MIOX: variants seen among roughly 807,000 people sequenced by gnomAD.
MIOX encodes inositol oxygenase.
In MIOX, 51 loss-of-function variants were observed where a neutral mutation model predicts 42.7. The ratio of observed to expected loss-of-function variants is 1.19; its 90% CI spans 0.95 to 1.51. MIOX has a LOEUF of 1.51. Ranked by LOEUF, MIOX falls within the 40% of genes most tolerant of loss-of-function variation. The probability of loss-of-function intolerance (pLI) is 0.00; values close to 1 mark genes in which losing one functional copy is unlikely to be tolerated. For missense variants in MIOX, 395 were observed against 381.3 expected (o/e 1.04, Z -0.30); for synonymous variants, 168 against 154.4 (o/e 1.09, Z -0.65).
intron 1 of MIOX, 129 bp from the exon 2 acceptor site, chr22:50,487,256 G>C: frequency 1.3e-6 from 1 of 773,804 alleles, no homozygotes; most frequent in South Asian, 1.7e-5. Flanking sequence ...GAGAGGCTGT[G>C]TCCTCGCGTG....
At position 50,490,015 on chromosome 22, in the gene MIOX, C is replaced by T. The variant is rs1064043; in HGVS notation, c.*159C>T. On this transcript the variant is annotated 3_prime_UTR_variant, in exon 10 of 10. Transcript: ENST00000216075. Reference sequence around the variant, plus strand: ...ACCCCTCACGGCAACTTGTGCCTGGCGTCAATAAAGACCTGGAAGGATGTT... The same window carrying T: ...ACCCCTCACGGCAACTTGTGCCTGGTGTCAATAAAGACCTGGAAGGATGTT... 1.4e-5 allele frequency: 9 copies of T among 637,632 alleles called. No individual in the cohort carries two copies. Among genetic ancestry groups the T allele is most frequent in the South Asian group, 9.0e-5 (5 of 55,252 alleles). The allele number at this position is 637,632 out of a possible 1,614,324, so 39.5% of individuals were successfully genotyped here. A position where few individuals can be genotyped will look rare whatever the true frequency, so the allele number is the denominator to read the frequency against.
chr22:50,489,330 GCGGTGGGGGA>G (rs977899381), intron 7 of MIOX, 35 bp downstream of exon 7: 16 of 1,485,296 alleles, frequency 1.1e-5, no homozygotes, highest in Admixed American at 1.0e-4. Flanking sequence ...GCGGTGGGGG[GCGGTGGGGGA>G]CGGTGGGGGG....
rs774503316 is a variant in MIOX, at chr22:50,488,283, C to T, written c.349C>T (p.His117Tyr). 3.7e-5 allele frequency: 59 copies of T among 1,613,158 alleles called. No individual in the cohort carries two copies. The highest frequency in any genetic ancestry group is 4.6e-5 in the Non-Finnish European group (54 of 1,179,638). ...RKAHPDKDWF[H>Y]LVGLLHDLGK... ...GTCCATCCCCCTCCCAGACTGGTTC[C>T]ACCTCGTCGGGCTCCTGCACGACCT... The change falls in exon 5 of 10, where the codon CAC (histidine) becomes TAC (tyrosine). Residue 117 changes from histidine (H) to tyrosine (Y), a missense_variant. Coordinates refer to ENST00000216075, the MANE Select transcript of MIOX (RefSeq NM_017584.6).
rs149960733 is a variant in MIOX, at chr22:50,489,441, C to A, written c.631C>A (p.Pro211Thr). 80 of 1,607,024 alleles carry A rather than the reference C, an allele frequency of 5.0e-5. No homozygotes were observed. The highest frequency in any genetic ancestry group is 4.1e-5 in the Non-Finnish European group (48 of 1,177,436). Residue 211 changes from proline (P) to threonine (T), a missense_variant, in exon 8 of 10, where the codon CCT becomes ACT. Coordinates refer to ENST00000216075, the MANE Select transcript of MIOX (RefSeq NM_017584.6). Reference sequence around the variant, plus strand: ...GAAGTTTAACAAGTTCTCACTGCCCCCTGAGGTAGGTGGGGGGAGGGGCAA... The same window carrying A: ...GAAGTTTAACAAGTTCTCACTGCCCACTGAGGTAGGTGGGGGGAGGGGCAA... ...VMKFNKFSLP[P>T]EAFYMIRFHS...
At chr22:50,488,545 GC>G (rs61657525) in intron 5 of MIOX, among the ~76,000 whole-genome samples, 615 of 32,668 alleles carry the variant, frequency 0.019, 18 homozygotes, top group East Asian at 0.033. Context: ...ACCCCCCACG[GC>G]CCCCCCCACG....
At chr22:50,488,441 G>T in intron 5 of MIOX, 99 bp downstream of exon 5, 1 of 1,020,268 alleles carries the variant, frequency 9.8e-7, no homozygotes, top group South Asian at 1.6e-5. Context: ...TGGGGGACAG[G>T]CCAGTGCACC....
intron 5 of MIOX, among the ~76,000 whole-genome samples, 171 bp downstream of exon 5, chr22:50,488,513 T>C (rs1314376896): frequency 1.7e-5 from 2 of 119,618 alleles, no homozygotes; most frequent in African/African-American, 6.3e-5. Context: ...CCTGGGATAC[T>C]ACCTGGGGGA....
In MIOX at chr22:50,489,287, G is replaced by T. The variant is rs1389490059; in HGVS notation, c.578G>T (p.Gly193Val). 4.4e-6 allele frequency: 7 copies of T among 1,582,120 alleles called. No homozygotes were observed. The highest frequency in any genetic ancestry group is 6.0e-6 in the Non-Finnish European group (7 of 1,170,510). ...CTCGACAGGGTCCTCATGTCCTGGG[G>T]CCATGATGGTGAGGCCAGAGGCGGG... ...CGLDRVLMSW[G>V]HDEYMYQVMK... The change falls in exon 7 of 10, where the codon GGC becomes GTC. Residue 193 changes from glycine to valine, a missense_variant. Transcript: ENST00000216075.
intron 2 of MIOX, 31 bp downstream of exon 2, chr22:50,487,496 C>G: frequency 1.2e-6 from 2 of 1,602,582 alleles, no homozygotes; most frequent in African/African-American, 1.3e-5. Context: ...CCCCCCTTCT[C>G]CCCCATCCAC....
In MIOX at chr22:50,488,984, G is replaced by A. The variant is rs370271369; in HGVS notation, c.409-56G>A. 5.3e-4 allele frequency: 649 copies of A among 1,218,262 alleles called. 4 individuals are homozygous for A. The East Asian group carries it at 0.012, about 22-fold the overall frequency. The allele number at this position is 1,218,262 out of a possible 1,614,324, so 75.5% of individuals were successfully genotyped here. A position where few individuals can be genotyped will look rare whatever the true frequency, so the allele number is the denominator to read the frequency against. On this transcript the variant is annotated intron_variant, in intron 5 of 9. Coordinates refer to ENST00000216075, the MANE Select transcript of MIOX (RefSeq NM_017584.6). ...TGTCCTTCTGCAGTGGGTGGTCATC[G>A]GCGACACCTTCCCCCACTCCCCCCA...
Position 50,486,909 on chromosome 22 carries a change from G to T in MIOX, c.12G>T (p.Thr4=), listed in dbSNP as rs570164989. 6 of 1,613,694 alleles carry T rather than the reference G, an allele frequency of 3.7e-6. No homozygotes were observed. The highest frequency in any genetic ancestry group is 5.1e-6 in the Non-Finnish European group (6 of 1,179,980). MKV[T]VGPDPSLVYR... ...CGCTCCCTCTCAGGATGAAGGTGAC[G>T]GTGGTGAGTACCCAGACCCCATGCA... The change falls in exon 1 of 10, where the codon ACG becomes ACT. Residue 4 remains threonine (T), a synonymous_variant. Transcript: ENST00000216075.
Position 50,489,028 on chromosome 22 carries a change from G to GTCCCTCCTC in MIOX, c.409-6_409-5insCTCTCCCTC, listed in dbSNP as rs2148636852. 1 of 1,600,786 alleles carries GTCCCTCCTC rather than the reference G, an allele frequency of 6.2e-7. No individual in the cohort carries two copies. Among genetic ancestry groups the GTCCCTCCTC allele is most frequent in the Non-Finnish European group, 8.5e-7 (1 of 1,175,934 alleles). On this transcript the variant is annotated splice_polypyrimidine_tract_variant and intron_variant, in intron 5 of 9. Coordinates refer to ENST00000216075, the MANE Select transcript of MIOX (RefSeq NM_017584.6). Reference sequence around the variant, plus strand: ...CCCCCCATGGCCTCCCGTCCCTCCTGTCCCTCTGCAGTGGGCTGTCGTCGG... The same window carrying GTCCCTCCTC: ...CCCCCCATGGCCTCCCGTCCCTCCTGTCCCTCCTCTCCCTCTGCAGTGGGCTGTCGTCGG...
chr22:50,488,092 G>A (rs905006510), intron 4 of MIOX, 44 bp downstream of exon 4: 1 of 1,610,748 alleles, frequency 6.2e-7, no homozygotes, highest in South Asian at 1.1e-5. Context: ...CTGCCTCCAA[G>A]GGGCAGAATG....
intron 3 of MIOX, 60 bp downstream of exon 3, chr22:50,487,802 G>C: frequency 6.2e-7 from 1 of 1,610,870 alleles, no homozygotes; most frequent in Non-Finnish European, 8.5e-7. Context: ...AGCCCCATGA[G>C]CCCACCAGGC....
rs1461918431 is a variant in MIOX, at chr22:50,489,630, G to A, written c.735G>A (p.Trp245Ter). 6.2e-7 allele frequency: 1 copy of A among 1,611,728 alleles called. No individual in the cohort carries two copies. The highest frequency in any genetic ancestry group is 8.5e-7 in the Non-Finnish European group (1 of 1,179,758). ...CSQQDLAMLP[W>*]VREFNKFDLY... ...AGCAGGACCTGGCCATGCTGCCCTGGGTGCGGGAGTTCAAGTACGCCCCGC... is the reference window on the plus strand; with the variant it reads ...AGCAGGACCTGGCCATGCTGCCCTGAGTGCGGGAGTTCAAGTACGCCCCGC... Residue 245 changes from tryptophan to a stop codon, truncating the protein, a stop_gained, in exon 9 of 10, where the codon TGG becomes TGA. Coordinates refer to ENST00000216075, the MANE Select transcript of MIOX (RefSeq NM_017584.6). LOFTEE classifies it high-confidence loss of function.
chr22:50,489,775 G>A lies in MIOX; in HGVS notation c.777G>A (p.Pro259=), dbSNP rs745731515. Reference sequence around the variant, plus strand: ...AGTTCGACCTCTACACCAAGTGCCCGGACCTGCCGGACGTGGACAAGCTGC... The same window carrying A: ...AGTTCGACCTCTACACCAAGTGCCCAGACCTGCCGGACGTGGACAAGCTGC... ...FNKFDLYTKC[P]DLPDVDKLRP... Residue 259 remains proline, a synonymous_variant, in exon 10 of 10, where the codon CCG becomes CCA. Coordinates refer to ENST00000216075, the MANE Select transcript of MIOX (RefSeq NM_017584.6). 55 of 1,612,068 alleles carry A rather than the reference G, an allele frequency of 3.4e-5. No homozygotes were observed. The highest frequency in any genetic ancestry group is 1.3e-4 in the Admixed American group (8 of 59,988).
intron 5 of MIOX, among the ~76,000 whole-genome samples, chr22:50,488,628 C>A (rs1188233269): frequency 1.4e-5 from 2 of 139,104 alleles, no homozygotes; most frequent in Non-Finnish European, 3.2e-5. Context: ...GTGCACCCCC[C>A]ACGGCCTCCC....
chr22:50,487,562 C>A, intron 2 of MIOX, 97 bp downstream of exon 2: 1 of 1,539,636 alleles, frequency 6.5e-7, no homozygotes, highest in Non-Finnish European at 8.9e-7. Context: ...CCTGTGGGAA[C>A]TCCCACCCCC....
Position 50,487,979 on chromosome 22 carries a change from G to A in MIOX, c.271G>A (p.Val91Ile), listed in dbSNP as rs564664646. The A allele has an allele frequency of 5.8e-5, 93 of 1,613,924 alleles. No homozygotes were observed. The East Asian group carries it at 7.6e-4, about 13-fold the overall frequency. The change falls in exon 4 of 10, where the codon GTA becomes ATA. Residue 91 changes from valine (V) to isoleucine (I), a missense_variant. Transcript: ENST00000216075. ...DGLVDESDPD[V>I]DFPNSFHAFQ... ...GCTGGTGGATGAGTCGGACCCGGAC[G>A]TAGATTTCCCCAACTCCTTCCATGC...
Sources: gnomAD v4.1 joint callset for allele counts (sites outside exome capture counted in the v4.1 genomes callset) on GRCh38, gnomAD v4.1.1 for gene constraint, MANE v1.5 for transcripts, NCBI Gene and HGNC (gene_info 2026-07-23, HGNC 2026-07-21) for gene names.